HRH1: variants seen among roughly 807,000 people sequenced by gnomAD.
HRH1 encodes the protein histamine receptor H1, also known as histamine H1 receptor.
A neutral mutation model predicts 10.3 loss-of-function variants in HRH1; 6 were observed. The observed-to-expected ratio is 0.58, with a 90% CI of 0.32 to 1.15. The LOEUF (loss-of-function observed/expected upper bound fraction) is 1.15. HRH1 is among the 50% of genes most tolerant of loss of function. The probability of loss-of-function intolerance (pLI) is 0.05; values close to 1 mark genes in which losing one functional copy is unlikely to be tolerated. For missense variants in HRH1, 514 were observed against 615.3 expected (o/e 0.84, Z 1.74); for synonymous variants, 242 against 236.7 (o/e 1.02, Z -0.21).
At chr3:11,249,656 T>G (rs1939585952) in intron 1 of HRH1, among the ~76,000 whole-genome samples, 2 of 152,114 alleles carry the variant, frequency 1.3e-5, no homozygotes, top group South Asian at 4.1e-4. Context: ...AAATGTATGG[T>G]TTCAGGAATA....
chr3:11,140,494 C>T (rs1936272281), intron 1 of HRH1, among the ~76,000 whole-genome samples: 1 of 152,106 alleles, frequency 6.6e-6, no homozygotes, highest in Non-Finnish European at 1.5e-5. Flanking sequence ...CCTCTTTGCC[C>T]TCGTACACCC....
intron 1 of HRH1, among the ~76,000 whole-genome samples, chr3:11,141,550 G>A (rs1335092752): frequency 6.6e-6 from 1 of 152,198 alleles, no homozygotes; most frequent in Non-Finnish European, 1.5e-5. Flanking sequence ...CATGTCCCAA[G>A]TTGATGCTGG....
chr3:11,208,353 T>C (rs2125032447), intron 1 of HRH1, among the ~76,000 whole-genome samples: 1 of 152,290 alleles, frequency 6.6e-6, no homozygotes, highest in South Asian at 2.1e-4. Flanking sequence ...AGTTTCGCCA[T>C]GTTGGCCAGG....
intron 1 of HRH1, among the ~76,000 whole-genome samples, chr3:11,247,815 T>C (rs1048474821): frequency 1.3e-5 from 2 of 151,972 alleles, no homozygotes; most frequent in Non-Finnish European, 2.9e-5. Flanking sequence ...CTGAATAAGG[T>C]GGGGGGGAAC....
intron 1 of HRH1, among the ~76,000 whole-genome samples, chr3:11,235,954 T>C (rs116258356): frequency 0.017 from 2,611 of 152,266 alleles, 30 homozygotes; most frequent in East Asian, 0.053. Context: ...CTGATGTATG[T>C]GGCCAAAAAA....
rs986112323 is a variant in HRH1, at chr3:11,216,937, A to C, written c.-35-42066A>C. Among the ~76,000 whole-genome samples, 11 of 151,930 alleles carry C rather than the reference A, an allele frequency of 7.2e-5. 1 individual carries two copies. Among genetic ancestry groups the C allele is most frequent in the Admixed American group, 6.6e-4 (10 of 15,262 alleles). ...GGTGGCTCATGCCTGTAATCCCAGC[A>C]CTTTGGGAGGCCGAGGCGGGCAGAT... On this transcript the variant is annotated intron_variant, in intron 1 of 1. Transcript: ENST00000431010.
At chr3:11,227,341 C>T (rs1454298765) in intron 1 of HRH1, among the ~76,000 whole-genome samples, 1 of 151,370 alleles carries the variant, frequency 6.6e-6, no homozygotes, top group Non-Finnish European at 1.5e-5. Context: ...GGCTGGAGTG[C>T]CGTGACGTGA....
chr3:11,166,078 G>A (rs993611057), intron 1 of HRH1, among the ~76,000 whole-genome samples: 2 of 152,092 alleles, frequency 1.3e-5, no homozygotes, highest in Non-Finnish European at 2.9e-5. Flanking sequence ...CCTCCACAGT[G>A]GGCAACCAGC....
At chr3:11,163,448 G>A (rs916279297) in intron 1 of HRH1, among the ~76,000 whole-genome samples, 12 of 152,198 alleles carry the variant, frequency 7.9e-5, no homozygotes, top group African/African-American at 2.7e-4. Context: ...AGAAGGCAGG[G>A]AACAGTGGTC....
intron 1 of HRH1, among the ~76,000 whole-genome samples, chr3:11,161,277 T>C (rs58846425): frequency 0.18 from 27,451 of 152,230 alleles, 2,974 homozygotes; most frequent in East Asian, 0.29. Context: ...ATCTGCTTTC[T>C]CTTCTTTTTT....
At chr3:11,141,040 C>T (rs1318050333) in intron 1 of HRH1, among the ~76,000 whole-genome samples, 1 of 152,018 alleles carries the variant, frequency 6.6e-6, no homozygotes, top group East Asian at 1.9e-4. Context: ...AGCTATGAGG[C>T]CCAAGTAGAA....
chr3:11,165,033 AAAG>A (rs1295172666), intron 1 of HRH1, among the ~76,000 whole-genome samples: 3 of 152,352 alleles, frequency 2.0e-5, no homozygotes, highest in African/African-American at 4.8e-5. Context: ...GTGACAGAGT[AAAG>A]AAGACAGCTG....
At chr3:11,251,583 G>A (rs1939651894) in intron 1 of HRH1, among the ~76,000 whole-genome samples, 2 of 152,122 alleles carry the variant, frequency 1.3e-5, no homozygotes, top group African/African-American at 2.4e-5. Context: ...GGTGTCTTCC[G>A]GTTTGAAAGG....
At chr3:11,232,024 G>T (rs1016394010) in intron 1 of HRH1, among the ~76,000 whole-genome samples, 1 of 148,090 alleles carries the variant, frequency 6.8e-6, no homozygotes. Context: ...ACTGAGTCTC[G>T]CTCTGTCACC....
intron 1 of HRH1, among the ~76,000 whole-genome samples, chr3:11,242,480 C>CAAAAA (rs35809891): frequency 9.9e-5 from 5 of 50,362 alleles, no homozygotes; most frequent in Admixed American, 7.3e-4. Flanking sequence ...GACTCCGTCT[C>CAAAAA]AAAAAAAAAA....
chr3:11,251,426 G>A (rs1433701972), intron 1 of HRH1, among the ~76,000 whole-genome samples: 1 of 152,136 alleles, frequency 6.6e-6, no homozygotes, highest in African/African-American at 2.4e-5. Context: ...GTTCCTTCCT[G>A]GTTTTGCAGA....
chr3:11,222,264 T>C (rs1938733361), intron 1 of HRH1, among the ~76,000 whole-genome samples: 1 of 152,170 alleles, frequency 6.6e-6, no homozygotes, highest in South Asian at 2.1e-4. Context: ...CAGCCACAGC[T>C]GGAAGTGTGC....
intron 1 of HRH1, among the ~76,000 whole-genome samples, chr3:11,234,057 C>T (rs1463676567): frequency 1.3e-5 from 2 of 152,122 alleles, no homozygotes; most frequent in African/African-American, 2.4e-5. Context: ...GGGTAGGACA[C>T]ACATACATAC....
chr3:11,207,360 C>A (rs1259986714), intron 1 of HRH1, among the ~76,000 whole-genome samples: 1 of 151,798 alleles, frequency 6.6e-6, no homozygotes, highest in Non-Finnish European at 1.5e-5. Flanking sequence ...GTCAGGAGAT[C>A]CAGACGATCC....
Sources: allele counts gnomAD v4.1 joint callset (sites outside exome capture counted in the v4.1 genomes callset), GRCh38; gene constraint gnomAD v4.1.1; transcripts MANE v1.5; gene names NCBI Gene and HGNC (gene_info 2026-07-23, HGNC 2026-07-21).